The following ATP2B4 variants were observed in gnomAD, a reference collection of about 807,000 sequenced individuals.
The protein encoded by ATP2B4 is plasma membrane calcium-transporting ATPase 4.
A neutral mutation model predicts 110.3 loss-of-function variants in ATP2B4; 39 were observed. The ratio of observed to expected loss-of-function variants is 0.35; its 90% CI spans 0.27 to 0.46. The LOEUF (loss-of-function observed/expected upper bound fraction) is 0.46. ATP2B4 is among the 20% of genes least tolerant of loss of function. The pLI is 1.00. For missense variants in ATP2B4, 1,135 were observed against 1,530.9 expected (o/e 0.74, Z 4.32); for synonymous variants, 538 against 571.7 (o/e 0.94, Z 0.84).
At chr1:203,665,749 G>A (rs890190286) in intron 1 of ATP2B4, among the ~76,000 whole-genome samples, 5 of 147,152 alleles carry the variant, frequency 3.4e-5, no homozygotes, top group East Asian at 2.0e-4. Flanking sequence ...GCAGTGAGCC[G>A]AGATTCACAG....
intron 1 of ATP2B4, among the ~76,000 whole-genome samples, chr1:203,669,982 T>G (rs557552622): frequency 1.3e-3 from 192 of 152,322 alleles, no homozygotes; most frequent in African/African-American, 4.4e-3. Context: ...CCTCTTTGCC[T>G]GCCCTTTGTC....
intron 1 of ATP2B4, among the ~76,000 whole-genome samples, chr1:203,680,600 C>G (rs1258657660): frequency 8.4e-6 from 1 of 118,714 alleles, no homozygotes; most frequent in Non-Finnish European, 1.8e-5. Context: ...CAGAGTGAGA[C>G]TCCGTCTCAA....
chr1:203,683,600 GT>G (rs1387252095), intron 2 of ATP2B4, among the ~76,000 whole-genome samples: 3 of 151,080 alleles, frequency 2.0e-5, no homozygotes, highest in Non-Finnish European at 4.4e-5. Flanking sequence ...TGTTTAGAAA[GT>G]GTGCTATTCT....
chr1:203,728,308 C>G lies in ATP2B4; in HGVS notation c.3309+737C>G, dbSNP rs1478215065. The G allele has an allele frequency of 7.7e-6, 3 of 388,972 alleles. No homozygotes were observed. In the Admixed American group the frequency reaches 1.1e-4, roughly 14 times the overall value. The allele number at this position is 388,972 out of a possible 1,614,324, so 24.1% of individuals were successfully genotyped here. On this transcript the variant is annotated intron_variant, in intron 20 of 20. Transcript: ENST00000357681. Reference sequence around the variant, plus strand: ...CCCACAATAACTTTTATTTTTTCCACTTTCCATGCATCAATTGTAACTACT... The same window carrying G: ...CCCACAATAACTTTTATTTTTTCCAGTTTCCATGCATCAATTGTAACTACT...
At chr1:203,735,317 T>A (rs1222981605) in intron 20 of ATP2B4, among the ~76,000 whole-genome samples, 1 of 152,236 alleles carries the variant, frequency 6.6e-6, no homozygotes, top group Non-Finnish European at 1.5e-5. Flanking sequence ...CTAATGCTTA[T>A]GTCTTCCTAT....
chr1:203,708,593 A>C (rs749117683), intron 10 of ATP2B4, among the ~76,000 whole-genome samples: 15 of 152,166 alleles, frequency 9.9e-5, no homozygotes, highest in Non-Finnish European at 1.8e-4. Context: ...ATAGTGGCTC[A>C]CTTCTGTAAT....
intron 6 of ATP2B4, among the ~76,000 whole-genome samples, 191 bp downstream of exon 6, chr1:203,701,114 C>T (rs971687940): frequency 4.5e-4 from 68 of 151,836 alleles, no homozygotes; most frequent in African/African-American, 1.6e-3. Context: ...AAACCAGATC[C>T]TGGCTCTAGG....
At chr1:203,714,743 A>AT (rs35368119) in intron 15 of ATP2B4, among the ~76,000 whole-genome samples, 43,864 of 151,470 alleles carry the variant, frequency 0.29, 8,023 homozygotes, top group East Asian at 0.62. Flanking sequence ...GAATACCAGA[A>AT]TTTTTTTTTA....
At chr1:203,673,890 G>A (rs1475269138) in intron 1 of ATP2B4, among the ~76,000 whole-genome samples, 2 of 152,176 alleles carry the variant, frequency 1.3e-5, no homozygotes, top group African/African-American at 4.8e-5. Context: ...AGCCCAGGGA[G>A]ATGACCCCTC....
intron 11 of ATP2B4, 134 bp downstream of exon 11, chr1:203,709,676 C>A: frequency 7.1e-7 from 1 of 1,407,726 alleles, no homozygotes; most frequent in Non-Finnish European, 9.6e-7. Context: ...AATATCCAAG[C>A]GTCTACTCAG....
At chr1:203,705,644 T>C (rs888311718) in intron 8 of ATP2B4, among the ~76,000 whole-genome samples, 2 of 152,200 alleles carry the variant, frequency 1.3e-5, no homozygotes, top group African/African-American at 4.8e-5. Flanking sequence ...AGGAATCCCA[T>C]GGCCTCAAGT....
chr1:203,632,912 C>T (rs867972200), intron 1 of ATP2B4, among the ~76,000 whole-genome samples: 13 of 151,848 alleles, frequency 8.6e-5, no homozygotes, highest in African/African-American at 1.9e-4. Context: ...AAGAATCTTT[C>T]GGGGTTTTTT....
At chr1:203,715,087 A>C (rs1237831567) in intron 15 of ATP2B4, among the ~76,000 whole-genome samples, 1 of 152,118 alleles carries the variant, frequency 6.6e-6, no homozygotes, top group African/African-American at 2.4e-5. Context: ...TTTTTGAAGC[A>C]AATGCAAGGC....
rs563209836 is a variant in ATP2B4 at position 203,733,592 on chromosome 1, G to A, written c.3310-5954G>A. On this transcript the variant is annotated intron_variant, in intron 20 of 20. Transcript: ENST00000357681. ...TGCCCTTGTATTTTATTTTTGTAATGTAGAAAAGCTATTAAACCTTAACTG... is the reference window on the plus strand; with the variant it reads ...TGCCCTTGTATTTTATTTTTGTAATATAGAAAAGCTATTAAACCTTAACTG... 9.5e-6 allele frequency: 5 copies of A among 525,566 alleles called. No homozygotes were observed. The African/African-American group carries it at 9.8e-5, about 10-fold the overall frequency. 32.6% of individuals were successfully genotyped at this position (525,566 alleles called of 1,614,324 possible).
At chr1:203,700,646 C>T (rs1665663387) in intron 5 of ATP2B4, 152 bp from the exon 6 acceptor site, 16 of 1,136,802 alleles carry the variant, frequency 1.4e-5, no homozygotes, top group Admixed American at 5.4e-5. Context: ...GTTTTAAATG[C>T]GCCCAGCTCT....
chr1:203,649,389 C>T (rs1663906627), intron 1 of ATP2B4, among the ~76,000 whole-genome samples: 1 of 152,174 alleles, frequency 6.6e-6, no homozygotes, highest in African/African-American at 2.4e-5. Context: ...CCTCACTTTT[C>T]TCATTCGTCA....
At chr1:203,679,918 G>A (rs1464355303) in intron 1 of ATP2B4, among the ~76,000 whole-genome samples, 2 of 151,954 alleles carry the variant, frequency 1.3e-5, no homozygotes, top group Admixed American at 6.6e-5. Flanking sequence ...AATATTAGCT[G>A]GGCATGGTGG....
intron 20 of ATP2B4, among the ~76,000 whole-genome samples, chr1:203,738,884 A>G (rs1666937262): frequency 6.6e-6 from 1 of 152,180 alleles, no homozygotes; most frequent in Admixed American, 6.5e-5. Flanking sequence ...GTGGGATATA[A>G]AAATATGCAT....
intron 1 of ATP2B4, among the ~76,000 whole-genome samples, chr1:203,678,750 G>A (rs1372812764): frequency 6.6e-6 from 1 of 152,150 alleles, no homozygotes; most frequent in Non-Finnish European, 1.5e-5. Context: ...CAGAAAATGA[G>A]GAGGTTTAGG....
Sources: allele counts gnomAD v4.1 joint callset (sites outside exome capture counted in the v4.1 genomes callset), GRCh38; gene constraint gnomAD v4.1.1; transcripts MANE v1.5; gene names NCBI Gene and HGNC (gene_info 2026-07-23, HGNC 2026-07-21).